The following SMC1B variants were observed in gnomAD, a reference collection of about 807,000 sequenced individuals.
SMC1B encodes the protein structural maintenance of chromosomes 1B.
Under a neutral mutation model 157.9 loss-of-function variants are expected in SMC1B, and 60 were observed. That is an observed-to-expected ratio of 0.38 (90% CI 0.31 to 0.47). The LOEUF (loss-of-function observed/expected upper bound fraction) is 0.47. SMC1B is among the 20% of genes least tolerant of loss of function. The probability of loss-of-function intolerance (pLI) is 0.99; values close to 1 mark genes in which losing one functional copy is unlikely to be tolerated. For missense variants in SMC1B, 1,165 were observed against 1,426.2 expected, an observed-to-expected ratio of 0.82 and a Z score of 2.95; for synonymous variants, 445 against 483.0, an observed-to-expected ratio of 0.92 and a Z score of 1.03.
At chr22:45,413,016 G>A (rs1302512343) in intron 1 of SMC1B, among the ~76,000 whole-genome samples, 1 of 151,946 alleles carries the variant, frequency 6.6e-6, no homozygotes, top group Admixed American at 6.5e-5. Flanking sequence ...CAGGGCCCAG[G>A]GCGGGACCGG....
chr22:45,381,809 T>C (rs1177169138), intron 12 of SMC1B, among the ~76,000 whole-genome samples: 1 of 152,212 alleles, frequency 6.6e-6, no homozygotes, highest in African/African-American at 2.4e-5. Flanking sequence ...TACCTTAGAT[T>C]AAAACATAAA....
At chr22:45,382,671 A>G (rs564115455) in intron 12 of SMC1B, among the ~76,000 whole-genome samples, 3 of 152,356 alleles carry the variant, frequency 2.0e-5, no homozygotes, top group South Asian at 2.1e-4. Context: ...TTTACAATAC[A>G]TATGACTAAG....
chr22:45,406,048 G>A (rs1261401229), intron 4 of SMC1B, among the ~76,000 whole-genome samples: 2 of 152,022 alleles, frequency 1.3e-5, no homozygotes, highest in African/African-American at 4.8e-5. Context: ...TTTTTACAGG[G>A]ATCATTAAAA....
chr22:45,410,982 T>G (rs1274821402), intron 1 of SMC1B, among the ~76,000 whole-genome samples: 2 of 152,244 alleles, frequency 1.3e-5, no homozygotes. Flanking sequence ...TGAATTAAAT[T>G]ATTAAGTAAT....
chr22:45,369,542 C>CTT (rs136566), intron 15 of SMC1B, among the ~76,000 whole-genome samples: 11 of 110,746 alleles, frequency 9.9e-5, no homozygotes, highest in Non-Finnish European at 1.9e-4. Flanking sequence ...CTAGCTGTTT[C>CTT]TTTTTTTTTT....
intron 1 of SMC1B, among the ~76,000 whole-genome samples, chr22:45,411,917 C>T (rs929327626): frequency 6.8e-6 from 1 of 147,898 alleles, no homozygotes; most frequent in Non-Finnish European, 1.5e-5. Context: ...CTTGCTCTGT[C>T]GCCCAGGCTG....
rs1024558192 is a variant in SMC1B, at chr22:45,344,468, G to T, written c.*88C>A. 124 of 936,668 alleles carry T rather than the reference G, an allele frequency of 1.3e-4. No individual in the cohort carries two copies. Among genetic ancestry groups the T allele is most frequent in the Non-Finnish European group, 2.1e-4 (121 of 585,056 alleles). The allele number at this position is 936,668 out of a possible 1,614,324, so 58.0% of individuals were successfully genotyped here. ...TTAAAGGGTGCACCAGGCTGGTCCT[G>T]CTTGCTCCAGAAGTCTCCTGTGGAG... On this transcript the variant is annotated 3_prime_UTR_variant, in exon 25 of 25. Transcript: ENST00000357450.
In SMC1B at chr22:45,413,569, G is replaced by A. The variant is rs1174185123; in HGVS notation, c.-2C>T. 6.9e-6 allele frequency: 11 copies of A among 1,600,070 alleles called. No homozygotes were observed. Among genetic ancestry groups the A allele is most frequent in the Non-Finnish European group, 9.4e-6 (11 of 1,173,426 alleles). On this transcript the variant is annotated 5_prime_UTR_variant, in exon 1 of 25. Transcript: ENST00000357450. ...AAGCAGCAGCTCCAGGTGGGCCATG[G>A]CGCCGCCCTCCACGCCTCACCCGCG...
chr22:45,392,821 C>T (rs2087076808), intron 9 of SMC1B, among the ~76,000 whole-genome samples: 1 of 152,144 alleles, frequency 6.6e-6, no homozygotes, highest in Non-Finnish European at 1.5e-5. Flanking sequence ...CTACCTCACC[C>T]TCCTGAGGAG....
At chr22:45,378,845 G>T (rs1407881602) in intron 12 of SMC1B, among the ~76,000 whole-genome samples, 1 of 152,120 alleles carries the variant, frequency 6.6e-6, no homozygotes, top group African/African-American at 2.4e-5. Context: ...CAATTAAATT[G>T]TAAGTACTTA....
At chr22:45,376,209 AAAC>A (rs1443893602) in intron 12 of SMC1B, among the ~76,000 whole-genome samples, 1 of 152,202 alleles carries the variant, frequency 6.6e-6, no homozygotes, top group Non-Finnish European at 1.5e-5. Context: ...TGTCTCACTT[AAAC>A]AACAACTCAT....
intron 5 of SMC1B, among the ~76,000 whole-genome samples, chr22:45,401,881 T>A (rs1399017016): frequency 6.6e-6 from 1 of 151,482 alleles, no homozygotes; most frequent in African/African-American, 2.4e-5. Flanking sequence ...AGGACCATTC[T>A]ACACCACCTT....
At chr22:45,394,010 T>C (rs935701343) in intron 8 of SMC1B, among the ~76,000 whole-genome samples, 169 bp from the exon 9 acceptor site, 4 of 152,128 alleles carry the variant, frequency 2.6e-5, no homozygotes, top group Non-Finnish European at 5.9e-5. Context: ...AAAAAAGATT[T>C]TGCTCATTCT....
intron 19 of SMC1B, among the ~76,000 whole-genome samples, chr22:45,357,986 G>A (rs916449676): frequency 6.6e-6 from 1 of 152,166 alleles, no homozygotes; most frequent in Non-Finnish European, 1.5e-5. Flanking sequence ...GGGGAGAAAG[G>A]CTGAAGATTG....
chr22:45,350,478 A>G (rs1421593633), intron 22 of SMC1B, among the ~76,000 whole-genome samples: 5 of 152,216 alleles, frequency 3.3e-5, no homozygotes, highest in South Asian at 2.1e-4. Flanking sequence ...GGGTTTCATC[A>G]TGTTGGCCAG....
rs2087380422 is a variant in SMC1B at position 45,413,503 on chromosome 22, CCAATGACCTGGCGGCCCCGCCACGACT to C, written c.38_64del (p.Lys13_Gly22delinsSer). The C allele has an allele frequency of 2.5e-6, 4 of 1,610,068 alleles. No individual in the cohort carries two copies. Among genetic ancestry groups the C allele is most frequent in the African/African-American group, 1.3e-5 (1 of 74,864 alleles). Reference sequence around the variant, plus strand: ...GATGCAGGTGAACCTCCGGAAGGGGCCAATGACCTGGCGGCCCCGCCACGACTTGAAATTTTCCACAAGCAGCAGCTC... The same window carrying C: ...GATGCAGGTGAACCTCCGGAAGGGGCTGAAATTTTCCACAAGCAGCAGCTC... On this transcript the variant is annotated inframe_deletion, in exon 1 of 25. Transcript: ENST00000357450.
chr22:45,368,298 A>G (rs973364724), intron 15 of SMC1B, among the ~76,000 whole-genome samples: 2 of 152,144 alleles, frequency 1.3e-5, no homozygotes, highest in Non-Finnish European at 2.9e-5. Context: ...TTCCTGATAC[A>G]GAACCATCCT....
At chr22:45,347,075 G>T (rs1400513648) in intron 23 of SMC1B, among the ~76,000 whole-genome samples, 2 of 152,170 alleles carry the variant, frequency 1.3e-5, no homozygotes, top group Non-Finnish European at 2.9e-5. Context: ...CAGAATGTGG[G>T]ATATAAAGTG....
At chr22:45,359,765 C>T (rs767216670) in intron 18 of SMC1B, 40 bp downstream of exon 18, 7 of 1,593,616 alleles carry the variant, frequency 4.4e-6, no homozygotes, top group African/African-American at 1.3e-5. Flanking sequence ...CATTAAGTTC[C>T]ACACAACGGC....
Sources: allele counts gnomAD v4.1 joint callset (sites outside exome capture counted in the v4.1 genomes callset), GRCh38; gene constraint gnomAD v4.1.1; transcripts MANE v1.5; gene names NCBI Gene and HGNC (gene_info 2026-07-23, HGNC 2026-07-21).